Variants in GPM6A observed in about 807,000 individuals in gnomAD.
The protein encoded by GPM6A is glycoprotein M6A.
In GPM6A, 7 loss-of-function variants were observed where a neutral mutation model predicts 32.1. That is an observed-to-expected ratio of 0.22 (90% CI 0.12 to 0.41). The LOEUF is 0.41. GPM6A is among the 10% of genes least tolerant of loss of function. The pLI, the probability that GPM6A is intolerant of heterozygous loss-of-function variation, is 1.00. For missense variants in GPM6A, 235 were observed against 347.2 expected, an observed-to-expected ratio of 0.68 and a Z score of 2.57; for synonymous variants, 130 against 123.4, an observed-to-expected ratio of 1.05 and a Z score of -0.35.
At chr4:175,954,692 G>C (rs924713511) in intron 1 of GPM6A, among the ~76,000 whole-genome samples, 4 of 152,204 alleles carry the variant, frequency 2.6e-5, no homozygotes, top group African/African-American at 9.7e-5. Flanking sequence ...GGTTGCACCC[G>C]TGTCTTAGCC....
At chr4:175,751,160 TA>T (rs997924342) in intron 1 of GPM6A, among the ~76,000 whole-genome samples, 101 of 152,096 alleles carry the variant, frequency 6.6e-4, no homozygotes, top group African/African-American at 2.3e-3. Flanking sequence ...TACAGCAAAA[TA>T]AAATGCTTTA....
Position 175,980,824 on chromosome 4 carries a change from G to A in GPM6A, c.-23+21485C>T, listed in dbSNP as rs150745771. On this transcript the variant is annotated intron_variant, in intron 1 of 7. Coordinates refer to the GPM6A transcript ENST00000280187. The stretch of plus-strand genomic sequence containing the variant: ...CAATCAGTACACCAGCTCAGCAGGC[G>A]TAGGGTTTGATGTTTGTTTGTTAGC... Among the ~76,000 whole-genome samples, 1,075 of 152,280 alleles carry A rather than the reference G, an allele frequency of 7.1e-3. 15 individuals are homozygous for A. Among genetic ancestry groups the A allele is most frequent in the African/African-American group, 0.024 (1,012 of 41,560 alleles).
chr4:175,840,429 G>A (rs868051730), intron 1 of GPM6A, among the ~76,000 whole-genome samples: 8 of 152,206 alleles, frequency 5.3e-5, no homozygotes, highest in African/African-American at 1.7e-4. Context: ...TGTAATCCCA[G>A]CACTTTGGGA....
upstream of GPM6A, among the ~76,000 whole-genome samples, chr4:175,813,285 G>A (rs1187829278): frequency 1.3e-5 from 2 of 152,124 alleles, no homozygotes; most frequent in Non-Finnish European, 2.9e-5. Context: ...TTTATAATGG[G>A]AATCTGCAAG....
intron 1 of GPM6A, among the ~76,000 whole-genome samples, chr4:175,793,959 C>A (rs1420321974): frequency 6.6e-6 from 1 of 151,604 alleles, no homozygotes; most frequent in Non-Finnish European, 1.5e-5. Context: ...GCTCATTTTA[C>A]TTTTTAACCT....
chr4:175,735,258 T>A (rs140499856), intron 1 of GPM6A, among the ~76,000 whole-genome samples: 2,944 of 152,278 alleles, frequency 0.019, 102 homozygotes, highest in African/African-American at 0.064. Flanking sequence ...CAAATGGCCC[T>A]AGATTTTAGG....
chr4:175,707,768 T>G (rs1038224947), intron 1 of GPM6A, among the ~76,000 whole-genome samples: 5 of 152,242 alleles, frequency 3.3e-5, no homozygotes, highest in African/African-American at 1.2e-4. Context: ...TCGATACTTA[T>G]GCTTTTACCT....
At chr4:175,772,841 T>C (rs1327178001) in intron 1 of GPM6A, among the ~76,000 whole-genome samples, 1 of 152,030 alleles carries the variant, frequency 6.6e-6, no homozygotes, top group Non-Finnish European at 1.5e-5. Flanking sequence ...ACCTTAATCA[T>C]CTAGTATTTA....
At chr4:175,793,884 T>C (rs1311838959) in intron 1 of GPM6A, among the ~76,000 whole-genome samples, 1 of 152,252 alleles carries the variant, frequency 6.6e-6, no homozygotes, top group East Asian at 1.9e-4. Flanking sequence ...TCAATTCTGA[T>C]CCTCTTGGTT....
upstream of GPM6A, chr4:175,812,534 C>G: frequency 9.3e-7 from 1 of 1,076,222 alleles, no homozygotes; most frequent in Non-Finnish European, 1.1e-6. Context: ...AAACAAATAG[C>G]CTGAGAATTT....
At chr4:175,853,052 C>T (rs932089899) in intron 1 of GPM6A, among the ~76,000 whole-genome samples, 1 of 152,062 alleles carries the variant, frequency 6.6e-6, no homozygotes, top group Non-Finnish European at 1.5e-5. Context: ...CTTTAGGGAA[C>T]TTGAATCCCA....
At chr4:175,716,370 A>T (rs1390247594) in intron 1 of GPM6A, among the ~76,000 whole-genome samples, 1 of 152,166 alleles carries the variant, frequency 6.6e-6, no homozygotes, top group Non-Finnish European at 1.5e-5. Context: ...TCTTTTAAAA[A>T]GTGAGCCTAT....
At chr4:175,760,766 G>A (rs1406724329) in intron 1 of GPM6A, among the ~76,000 whole-genome samples, 1 of 151,984 alleles carries the variant, frequency 6.6e-6, no homozygotes, top group African/African-American at 2.4e-5. Context: ...TAGATACAGA[G>A]ATATACACCG....
At chr4:175,824,114 C>G (rs1302115030) in intron 1 of GPM6A, among the ~76,000 whole-genome samples, 3 of 152,156 alleles carry the variant, frequency 2.0e-5, no homozygotes, top group African/African-American at 7.2e-5. Flanking sequence ...TCCAGAAACA[C>G]CCGGAAAACA....
intron 4 of GPM6A, among the ~76,000 whole-genome samples, chr4:175,650,692 G>C (rs1259459604): frequency 6.6e-6 from 1 of 152,122 alleles, no homozygotes; most frequent in Non-Finnish European, 1.5e-5. Flanking sequence ...AGGATGGTGG[G>C]TGAGCCACTG....
intron 2 of GPM6A, among the ~76,000 whole-genome samples, chr4:175,698,381 C>T (rs1313626484): frequency 6.6e-6 from 1 of 152,110 alleles, no homozygotes; most frequent in Non-Finnish European, 1.5e-5. Flanking sequence ...CTTTTCCAAA[C>T]CTACCTTAGT....
upstream of GPM6A, chr4:175,812,275 TCAATTAGATGTTGGAAAAACTGGGGG>T: frequency 8.3e-7 from 1 of 1,202,110 alleles, no homozygotes. Flanking sequence ...AATCAAAAGC[TCAATTAGATGTTGGAAAAACTGGGGG>T]TTTTTTTTTT....
chr4:175,835,649 A>ATATG (rs539818650), intron 1 of GPM6A, among the ~76,000 whole-genome samples: 6 of 143,340 alleles, frequency 4.2e-5, no homozygotes, highest in Admixed American at 2.2e-4. Context: ...ATATATATAT[A>ATATG]TGCTTGTATG....
At chr4:175,663,226 A>T (rs945304832) in intron 3 of GPM6A, among the ~76,000 whole-genome samples, 11 of 152,352 alleles carry the variant, frequency 7.2e-5, no homozygotes, top group Admixed American at 7.2e-4. Flanking sequence ...ACTGATGTCC[A>T]CAGAAAAACC....
Sources: gnomAD v4.1 joint callset for allele counts (sites outside exome capture counted in the v4.1 genomes callset) on GRCh38, gnomAD v4.1.1 for gene constraint, MANE v1.5 for transcripts, NCBI Gene and HGNC (gene_info 2026-07-23, HGNC 2026-07-21) for gene names.